The following HSD17B12 variants were observed in gnomAD, a reference collection of about 807,000 sequenced individuals.
The protein encoded by HSD17B12 is very-long-chain 3-oxoacyl-CoA reductase.
Under a neutral mutation model 39.3 loss-of-function variants are expected in HSD17B12, and 32 were observed. The observed-to-expected ratio is 0.81, with a 90% CI of 0.61 to 1.09. The LOEUF (loss-of-function observed/expected upper bound fraction) is 1.09. HSD17B12 is among the 50% of genes least tolerant of loss of function. The probability of loss-of-function intolerance (pLI) is 0.00; values close to 1 mark genes in which losing one functional copy is unlikely to be tolerated. For synonymous variants in HSD17B12, 150 were observed against 146.7 expected (o/e 1.02, Z -0.16); for missense variants, 342 against 382.9 (o/e 0.89, Z 0.89).
the HSD17B12 span, among the ~76,000 whole-genome samples, chr11:43,664,858 G>A: frequency 6.6e-6 from 1 of 152,154 alleles, no homozygotes; most frequent in South Asian, 2.1e-4. Flanking sequence ...CATCTTGCAT[G>A]AATAAGGAAT....
intron 9 of HSD17B12, among the ~76,000 whole-genome samples, chr11:43,848,767 A>AT (rs996763842): frequency 1.3e-4 from 20 of 151,586 alleles, no homozygotes; most frequent in South Asian, 4.2e-4. Context: ...ACCAATGCTG[A>AT]TTTTTTTTTC....
At chr11:43,758,302 G>A (rs1478397063) in intron 3 of HSD17B12, among the ~76,000 whole-genome samples, 1 of 152,102 alleles carries the variant, frequency 6.6e-6, no homozygotes, top group African/African-American at 2.4e-5. Flanking sequence ...GGTTATTAGA[G>A]GATCTTCAAG....
At chr11:43,741,733 T>C (rs2134915802) in intron 1 of HSD17B12, among the ~76,000 whole-genome samples, 1 of 150,268 alleles carries the variant, frequency 6.7e-6, no homozygotes, top group South Asian at 2.1e-4. Context: ...TTTTTCTTTT[T>C]CTTTTTTTTT....
chr11:43,694,813 GAAA>G (rs148110473), intron 1 of HSD17B12, among the ~76,000 whole-genome samples: 1 of 151,896 alleles, frequency 6.6e-6, no homozygotes, highest in South Asian at 2.1e-4. Flanking sequence ...CAGACCTACA[GAAA>G]AAAAATCTGT....
At chr11:43,557,247 G>A in the HSD17B12 span, among the ~76,000 whole-genome samples, 1 of 152,186 alleles carries the variant, frequency 6.6e-6, no homozygotes, top group Non-Finnish European at 1.5e-5. Flanking sequence ...GTGGTTTGGG[G>A]GTGGAGGGTG....
At chr11:43,759,499 C>T (rs925293628) in intron 3 of HSD17B12, among the ~76,000 whole-genome samples, 1 of 152,038 alleles carries the variant, frequency 6.6e-6, no homozygotes, top group Non-Finnish European at 1.5e-5. Flanking sequence ...TATTATCATT[C>T]TTAGCCAGGA....
intron 1 of HSD17B12, chr11:43,734,133 A>G: frequency 6.9e-7 from 1 of 1,447,066 alleles, no homozygotes; most frequent in Non-Finnish European, 9.6e-7. Flanking sequence ...TACCAAATCA[A>G]GTCAGTGGTG....
the HSD17B12 span, among the ~76,000 whole-genome samples, chr11:43,561,527 G>A: frequency 1.3e-5 from 2 of 152,184 alleles, no homozygotes; most frequent in African/African-American, 4.8e-5. Context: ...GGACTAGTTT[G>A]TAAATAAAAT....
Position 43,807,073 on chromosome 11 carries a change from T to C in HSD17B12, c.392-8364T>C, listed in dbSNP as rs185207577. Among the ~76,000 whole-genome samples the C allele has an allele frequency of 2.2e-4, 34 of 152,284 alleles. No individual in the cohort carries two copies. The East Asian group carries it at 6.2e-3, about 28-fold the overall frequency. On this transcript the variant is annotated intron_variant, in intron 4 of 10. Coordinates refer to ENST00000278353, the MANE Select transcript of HSD17B12 (RefSeq NM_016142.3). ...TCCTATTAACAAAGATCAGACAAAA[T>C]GTTAACTGTACAGTACCTTTTCTTT...
chr11:43,734,298 TG>T, intron 1 of HSD17B12: 2 of 1,178,226 alleles, frequency 1.7e-6, no homozygotes, highest in Non-Finnish European at 2.5e-6. Context: ...ACAGAAGCCG[TG>T]GAAGCCAAAA....
chr11:43,841,851 T>G (rs1951429617), intron 9 of HSD17B12, among the ~76,000 whole-genome samples: 1 of 152,180 alleles, frequency 6.6e-6, no homozygotes, highest in African/African-American at 2.4e-5. Flanking sequence ...AAGCCACAAA[T>G]GATCGATCAA....
At chr11:43,738,984 G>A (rs772539816) in intron 1 of HSD17B12, among the ~76,000 whole-genome samples, 1 of 152,214 alleles carries the variant, frequency 6.6e-6, no homozygotes, top group Non-Finnish European at 1.5e-5. Context: ...TTGGGTAAGG[G>A]TTTGGGGAAC....
At chr11:43,731,629 G>T (rs1375231267) in intron 1 of HSD17B12, among the ~76,000 whole-genome samples, 1 of 152,132 alleles carries the variant, frequency 6.6e-6, no homozygotes, top group Non-Finnish European at 1.5e-5. Context: ...CTCATAAAGG[G>T]TTGCAGCCTG....
intron 3 of HSD17B12, among the ~76,000 whole-genome samples, chr11:43,768,742 C>T (rs1028603529): frequency 2.6e-5 from 4 of 152,220 alleles, no homozygotes; most frequent in African/African-American, 9.6e-5. Flanking sequence ...AAACATTCCA[C>T]AGCACAGAAG....
chr11:43,686,138 C>CT lies in HSD17B12; in HGVS notation c.160+5153dup, dbSNP rs949076705. Among the ~76,000 whole-genome samples, 7 of 152,294 alleles carry CT rather than the reference C, an allele frequency of 4.6e-5. 1 individual carries two copies. In the South Asian group the frequency reaches 1.4e-3, roughly 32 times the overall value. On this transcript the variant is annotated intron_variant, in intron 1 of 10. Transcript: ENST00000278353. ...ATTTAGTGACTCCCTGGAGGTCCAG[C>CT]TTGGTAAATGTCATATGCTTGCTGT...
At chr11:43,804,164 A>G (rs921645566) in intron 4 of HSD17B12, among the ~76,000 whole-genome samples, 3 of 152,210 alleles carry the variant, frequency 2.0e-5, no homozygotes, top group Non-Finnish European at 4.4e-5. Context: ...GGAAAAATAT[A>G]CTTAGTTTGT....
chr11:43,766,701 T>C (rs754859621), intron 3 of HSD17B12, among the ~76,000 whole-genome samples: 12 of 152,188 alleles, frequency 7.9e-5, no homozygotes, highest in Non-Finnish European at 1.2e-4. Context: ...GGGCACTTAG[T>C]AAGTATTGTT....
chr11:43,691,598 C>T (rs1409229281), intron 1 of HSD17B12, among the ~76,000 whole-genome samples: 3 of 152,170 alleles, frequency 2.0e-5, no homozygotes, highest in African/African-American at 4.8e-5. Flanking sequence ...CTCACTCTGG[C>T]GCAAGTTTAA....
At chr11:43,640,854 T>C in the HSD17B12 span, 1 of 151,876 alleles carries the variant, frequency 6.6e-6, no homozygotes, top group Non-Finnish European at 1.5e-5. Flanking sequence ...CTACATAAAA[T>C]TAGGACTCAA....
Sources: allele counts gnomAD v4.1 joint callset (sites outside exome capture counted in the v4.1 genomes callset), GRCh38; gene constraint gnomAD v4.1.1; transcripts MANE v1.5; gene names NCBI Gene and HGNC (gene_info 2026-07-23, HGNC 2026-07-21).